NUP54: variants seen among roughly 807,000 people sequenced by gnomAD.
NUP54 encodes nucleoporin 54, also known as nucleoporin p54.
In NUP54, 27 loss-of-function variants were observed where a neutral mutation model predicts 66.4. The ratio of observed to expected loss-of-function variants is 0.41; its 90% confidence interval spans 0.30 to 0.56. The LOEUF (loss-of-function observed/expected upper bound fraction) is 0.56. Among genes scored for constraint, NUP54 ranks in the 20% least tolerant of loss-of-function variants. The pLI, the probability that NUP54 is intolerant of heterozygous loss-of-function variation, is 0.34. For missense variants in NUP54, 486 were observed against 596.3 expected, an observed-to-expected ratio of 0.82 and a Z score of 1.93; for synonymous variants, 206 against 210.7, an observed-to-expected ratio of 0.98 and a Z score of 0.19.
rs139437541 is a variant in NUP54 at position 76,139,726 on chromosome 4, T to C, written c.296-3314A>G. ...GTACACATTTTTAAAGAGAGAAGTA[T>C]AGTAAAGTAAGCATGAAATGACACG... On this transcript the variant is annotated intron_variant, in intron 3 of 11. Transcript: ENST00000264883. Among the ~76,000 whole-genome samples the C allele has an allele frequency of 3.5e-3, 531 of 152,228 alleles. 5 individuals carry two copies. The highest frequency in any genetic ancestry group is 0.012 in the African/African-American group (508 of 41,536).
intron 5 of NUP54, among the ~76,000 whole-genome samples, chr4:76,133,416 C>T (rs1470576899): frequency 6.6e-6 from 1 of 151,930 alleles, no homozygotes. Context: ...TGCCACTCTC[C>T]TGCCTCAGCC....
chr4:76,125,724 G>A (rs1326464880), intron 8 of NUP54, among the ~76,000 whole-genome samples: 2 of 24,158 alleles, frequency 8.3e-5, no homozygotes, highest in African/African-American at 4.3e-4. Flanking sequence ...GAGAGAGGGG[G>A]AGAGAGAGGG....
chr4:76,117,920 C>T, intron 10 of NUP54, 146 bp from the exon 11 acceptor site: 1 of 981,390 alleles, frequency 1.0e-6, no homozygotes, highest in East Asian at 2.4e-5. Context: ...CTAATACTAG[C>T]CAAAAGAACC....
intron 9 of NUP54, among the ~76,000 whole-genome samples, chr4:76,120,487 T>A (rs1406173749): frequency 6.0e-5 from 9 of 150,174 alleles, no homozygotes; most frequent in African/African-American, 2.2e-4. Flanking sequence ...TGGAGTGCAG[T>A]GCCGTGATCT....
At chr4:76,145,457 T>G in intron 1 of NUP54, 2 of 535,148 alleles carry the variant, frequency 3.7e-6, no homozygotes, top group Non-Finnish European at 5.3e-6. Flanking sequence ...GCAACCTTGG[T>G]TTTGGTGAAT....
In NUP54 at chr4:76,136,120, T is replaced by C; in HGVS notation, c.522+66A>G. On this transcript the variant is annotated intron_variant, in intron 4 of 11. Transcript: ENST00000264883. Reference sequence around the variant, plus strand: ...GATCCAAGCAATTGTTATCTTGATATTAATCTAAATATATTTTCTGTTATA... The same window carrying C: ...GATCCAAGCAATTGTTATCTTGATACTAATCTAAATATATTTTCTGTTATA... 2.9e-6 allele frequency: 3 copies of C among 1,051,648 alleles called. 1 individual carries two copies. Among genetic ancestry groups the C allele is most frequent in the East Asian group, 5.0e-5 (2 of 40,192 alleles). 65.1% of individuals were successfully genotyped at this position (1,051,648 alleles called of 1,614,324 possible).
At chr4:76,135,230 A>G (rs1730988261) in intron 4 of NUP54, among the ~76,000 whole-genome samples, 1 of 152,146 alleles carries the variant, frequency 6.6e-6, no homozygotes, top group African/African-American at 2.4e-5. Context: ...GTTTTTTTAC[A>G]TATTAATATG....
Position 76,115,216 on chromosome 4 carries a change from G to A in NUP54, c.*150C>T, listed in dbSNP as rs1127695. On this transcript the variant is annotated 3_prime_UTR_variant, in exon 12 of 12. Coordinates refer to ENST00000264883, the MANE Select transcript of NUP54 (RefSeq NM_017426.4). ...GTGAGGTGACTATTTCAGATTTGAT[G>A]AACAGTAATTTGTCAGTAAACTTCT... 83,942 of 565,884 alleles carry A rather than the reference G, an allele frequency of 0.15. 7,098 individuals are homozygous for A. The highest frequency in any genetic ancestry group is 0.34 in the East Asian group (10,107 of 29,428). The allele number at this position is 565,884 out of a possible 1,614,324, so 35.1% of individuals were successfully genotyped here.
chr4:76,136,259 G>C lies in NUP54; in HGVS notation c.449C>G (p.Thr150Arg), dbSNP rs1490495079. Residue 150 changes from threonine to arginine, a missense_variant, in exon 4 of 12, where the codon ACA (threonine) becomes AGA (arginine). By Grantham distance (71) the Thr-to-Arg change is moderately conservative. Transcript: ENST00000264883. The stretch of plus-strand genomic sequence containing the variant: ...ATTATTGTTGAAATACCCTTTTCCT[G>C]TTCCCCAAAAGGCCTGCAGTTGATT... ...KWNQLQAFWGTGKGYFNNNIP... is the reference protein window; with the variant it reads ...KWNQLQAFWGRGKGYFNNNIP... 7.4e-6 allele frequency: 12 copies of C among 1,613,884 alleles called. No individual in the cohort carries two copies. The highest frequency in any genetic ancestry group is 1.0e-5 in the Non-Finnish European group (12 of 1,179,984).
At chr4:76,132,855 G>A (rs1336864940) in intron 5 of NUP54, 136 bp from the exon 6 acceptor site, 4 of 608,078 alleles carry the variant, frequency 6.6e-6, no homozygotes, top group East Asian at 6.5e-5. Flanking sequence ...CAATTAAAAT[G>A]TTTCCTTTTT....
At chr4:76,129,447 AAAC>A (rs1159311932) in intron 8 of NUP54, among the ~76,000 whole-genome samples, 2 of 152,220 alleles carry the variant, frequency 1.3e-5, no homozygotes, top group Non-Finnish European at 2.9e-5. Flanking sequence ...CAGACAGAAA[AAAC>A]AACAAGAATA....
intron 1 of NUP54, among the ~76,000 whole-genome samples, chr4:76,146,940 A>T (rs1320671878): frequency 1.3e-5 from 2 of 152,216 alleles, no homozygotes; most frequent in Non-Finnish European, 2.9e-5. Context: ...TATAATTACA[A>T]ATCTTATAGA....
intron 1 of NUP54, chr4:76,146,141 C>G: frequency 2.3e-6 from 1 of 443,766 alleles, no homozygotes; most frequent in Non-Finnish European, 4.5e-6. Flanking sequence ...TGCAAGTATA[C>G]AAAATAAAAA....
In NUP54 at chr4:76,117,509, G is replaced by C. The variant is rs11726372; in HGVS notation, c.1395+155C>G. Among the ~76,000 whole-genome samples the C allele has an allele frequency of 0.13, 20,008 of 152,024 alleles. 1,542 individuals carry two copies. The highest frequency in any genetic ancestry group is 0.35 in the East Asian group (1,788 of 5,170). On this transcript the variant is annotated intron_variant, in intron 11 of 11. Coordinates refer to ENST00000264883, the MANE Select transcript of NUP54 (RefSeq NM_017426.4). Reference sequence around the variant, plus strand: ...AGTAAACACTACACTGTTTTCCATAGAGGCTGAACCATTTTACATTCCCCC... The same window carrying C: ...AGTAAACACTACACTGTTTTCCATACAGGCTGAACCATTTTACATTCCCCC...
In NUP54 at chr4:76,118,263, A is replaced by T. The variant is rs917244917; in HGVS notation, c.1165-69T>A. The T allele has an allele frequency of 5.9e-6, 8 of 1,367,246 alleles. No homozygotes were observed. In the African/African-American group the frequency reaches 8.6e-5, roughly 15 times the overall value. 84.7% of individuals were successfully genotyped at this position (1,367,246 alleles called of 1,614,324 possible). On this transcript the variant is annotated intron_variant, in intron 9 of 11. Coordinates refer to ENST00000264883, the MANE Select transcript of NUP54 (RefSeq NM_017426.4). ...TTAGTTATGCAAGTAGTAGTAGTACAATTAGTTACTGAAAGAAATCAGCTG... is the reference window on the plus strand; with the variant it reads ...TTAGTTATGCAAGTAGTAGTAGTACTATTAGTTACTGAAAGAAATCAGCTG...
intron 5 of NUP54, among the ~76,000 whole-genome samples, chr4:76,133,623 T>C (rs1369818555): frequency 6.6e-6 from 1 of 152,186 alleles, no homozygotes; most frequent in Non-Finnish European, 1.5e-5. Context: ...ATAATATTTA[T>C]AAAAGGGTTT....
At chr4:76,124,589 A>C in intron 9 of NUP54, 60 bp downstream of exon 9, 1 of 624,426 alleles carries the variant, frequency 1.6e-6, no homozygotes, top group South Asian at 2.4e-5. Flanking sequence ...ATCTATATTT[A>C]GTACATTATT....
intron 3 of NUP54, among the ~76,000 whole-genome samples, 183 bp from the exon 4 acceptor site, chr4:76,136,595 C>T (rs9917948): frequency 0.13 from 20,017 of 152,004 alleles, 1,550 homozygotes; most frequent in East Asian, 0.35. Flanking sequence ...ATTAAGCATG[C>T]TGAGATAGAG....
chr4:76,137,119 C>T (rs1001026109), intron 3 of NUP54, among the ~76,000 whole-genome samples: 3 of 152,124 alleles, frequency 2.0e-5, no homozygotes, highest in Admixed American at 1.3e-4. Context: ...CATCCTGAGT[C>T]GCTGGGACTA....
Sources: gnomAD v4.1 joint callset for allele counts (sites outside exome capture counted in the v4.1 genomes callset) on GRCh38, gnomAD v4.1.1 for gene constraint, MANE v1.5 for transcripts, NCBI Gene and HGNC (gene_info 2026-07-23, HGNC 2026-07-21) for gene names.